Variants in LRRTM3 observed in about 807,000 individuals in gnomAD.
The protein encoded by LRRTM3 is leucine rich repeat transmembrane neuronal 3.
LRRTM3 carries 24 observed loss-of-function variants against 44.7 expected under a neutral mutation model. The ratio of observed to expected loss-of-function variants is 0.54; its 90% CI spans 0.39 to 0.76. The LOEUF is 0.76. Among genes scored for constraint, LRRTM3 ranks in the 30% least tolerant of loss-of-function variants. The pLI, the probability that LRRTM3 is intolerant of heterozygous loss-of-function variation, is 0.00. For synonymous variants in LRRTM3, 277 were observed against 278.7 expected (o/e 0.99, Z 0.06); for missense variants, 587 against 702.2 (o/e 0.84, Z 1.85).
intron 2 of LRRTM3, among the ~76,000 whole-genome samples, chr10:66,992,611 C>T (rs1446318667): frequency 1.3e-5 from 2 of 151,792 alleles, no homozygotes; most frequent in African/African-American, 2.4e-5. Flanking sequence ...ACACTTAATG[C>T]CTTGGATGAA....
At chr10:67,066,294 G>A (rs945495324) in intron 2 of LRRTM3, among the ~76,000 whole-genome samples, 3 of 149,246 alleles carry the variant, frequency 2.0e-5, no homozygotes, top group African/African-American at 7.5e-5. Flanking sequence ...CCGGGTTCAA[G>A]AGATTCTCCT....
intron 2 of LRRTM3, among the ~76,000 whole-genome samples, chr10:67,062,494 A>G (rs902126982): frequency 6.6e-6 from 1 of 152,088 alleles, no homozygotes; most frequent in African/African-American, 2.4e-5. Flanking sequence ...ATATTTCTCT[A>G]GCCATTCTTT....
In LRRTM3 at chr10:66,958,469, T is replaced by A. The variant is rs201431166; in HGVS notation, c.1536+30017T>A. ...GTAGAAAAATAAAAAGCTTTTTTTT[T>A]TAAAAAAAATAGCATATAGCTCAGA... On this transcript the variant is annotated intron_variant, in intron 2 of 2. Coordinates refer to ENST00000361320, the MANE Select transcript of LRRTM3 (RefSeq NM_178011.5). Among the ~76,000 whole-genome samples, 534 of 123,672 alleles carry A rather than the reference T, an allele frequency of 4.3e-3. 12 individuals carry two copies. The East Asian group carries it at 0.066, about 15-fold the overall frequency. The allele number at this position is 123,672 out of a possible 152,430, so 81.1% of individuals were successfully genotyped here.
At chr10:66,977,347 G>T (rs1386423189) in intron 2 of LRRTM3, among the ~76,000 whole-genome samples, 1 of 151,692 alleles carries the variant, frequency 6.6e-6, no homozygotes, top group East Asian at 1.9e-4. Context: ...GAGGCAGGAG[G>T]ATTGCTTGAA....
At chr10:67,040,987 C>CT (rs200375206) in intron 2 of LRRTM3, among the ~76,000 whole-genome samples, 5 of 151,822 alleles carry the variant, frequency 3.3e-5, no homozygotes, top group South Asian at 4.2e-4. Flanking sequence ...GCATTTTATA[C>CT]TTTTTTTTAG....
intron 2 of LRRTM3, among the ~76,000 whole-genome samples, chr10:66,981,397 T>C (rs1850434016): frequency 6.6e-6 from 1 of 152,228 alleles, no homozygotes; most frequent in Admixed American, 6.5e-5. Context: ...CATTCTGCAC[T>C]CTTCTGGATT....
At chr10:66,988,958 G>A (rs774534943) in intron 2 of LRRTM3, among the ~76,000 whole-genome samples, 1 of 151,510 alleles carries the variant, frequency 6.6e-6, no homozygotes, top group South Asian at 2.1e-4. Context: ...TTACACATCC[G>A]GGTGCTTCCT....
rs554560366 is a variant in LRRTM3 at position 66,943,517 on chromosome 10, C to T, written c.1536+15065C>T. Among the ~76,000 whole-genome samples the T allele has an allele frequency of 7.5e-3, 434 of 57,602 alleles. 11 individuals carry two copies. In the Admixed American group the frequency reaches 0.098, roughly 13 times the overall value. The allele number at this position is 57,602 out of a possible 152,430, so 37.8% of individuals were successfully genotyped here. A position where few individuals can be genotyped will look rare whatever the true frequency, so the allele number is the denominator to read the frequency against. On this transcript the variant is annotated intron_variant, in intron 2 of 2. Transcript: ENST00000361320. ...CCTGATCCCAAATCCAATTCCCCCA[C>T]CCTTTTTTTTTTTTTCAGTATTAGC...
chr10:67,051,303 G>A (rs1855074504), intron 2 of LRRTM3, among the ~76,000 whole-genome samples: 2 of 152,050 alleles, frequency 1.3e-5, no homozygotes, highest in African/African-American at 4.8e-5. Context: ...AACCTTAAAT[G>A]TCTTCACAAT....
At position 67,101,119 on chromosome 10, in the gene LRRTM3, C is replaced by T. The variant is rs1858311099; in HGVS notation, c.*3323C>T. 6.6e-6 allele frequency among the ~76,000 whole-genome samples: 1 copy of T among 151,704 alleles called. No individual in the cohort carries two copies. Among genetic ancestry groups the T allele is most frequent in the African/African-American group, 2.4e-5 (1 of 41,374 alleles). On this transcript the variant is annotated 3_prime_UTR_variant, in exon 3 of 3. Coordinates refer to ENST00000361320, the MANE Select transcript of LRRTM3 (RefSeq NM_178011.5). ...GTTTAACAAGTCACATATTTCTTAA[C>T]ATACAAGTTCGTTTGTGAATGTGCA...
At chr10:67,040,764 G>A (rs138406001) in intron 2 of LRRTM3, among the ~76,000 whole-genome samples, 201 of 152,122 alleles carry the variant, frequency 1.3e-3, no homozygotes, top group African/African-American at 4.6e-3. Flanking sequence ...AAATATCAGC[G>A]TAAAAGCAGA....
At chr10:66,971,493 C>A (rs1222054849) in intron 2 of LRRTM3, among the ~76,000 whole-genome samples, 1 of 152,008 alleles carries the variant, frequency 6.6e-6, no homozygotes, top group Admixed American at 6.6e-5. Context: ...TGCTTAAATC[C>A]CAATTGTACT....
intron 2 of LRRTM3, among the ~76,000 whole-genome samples, chr10:67,076,677 G>A (rs1856767593): frequency 6.6e-6 from 1 of 152,176 alleles, no homozygotes; most frequent in Non-Finnish European, 1.5e-5. Context: ...TGGATAGAAT[G>A]AAATTCCAGG....
chr10:66,958,162 C>G (rs1253855392), intron 2 of LRRTM3, among the ~76,000 whole-genome samples: 6 of 151,954 alleles, frequency 3.9e-5, no homozygotes, highest in Admixed American at 3.9e-4. Context: ...TCTCTAGTAT[C>G]ATTTGTGAAT....
At chr10:66,990,459 T>C (rs1392646225) in intron 2 of LRRTM3, among the ~76,000 whole-genome samples, 2 of 152,210 alleles carry the variant, frequency 1.3e-5, no homozygotes, top group Non-Finnish European at 2.9e-5. Flanking sequence ...AATCACCATA[T>C]TATTCCAGGG....
intron 2 of LRRTM3, among the ~76,000 whole-genome samples, chr10:67,026,300 A>T (rs997554837): frequency 1.3e-5 from 2 of 152,130 alleles, no homozygotes; most frequent in Admixed American, 6.6e-5. Context: ...ACTTATGACC[A>T]TCTGGCAATC....
At chr10:67,064,570 A>T (rs1481948856) in intron 2 of LRRTM3, among the ~76,000 whole-genome samples, 1 of 152,038 alleles carries the variant, frequency 6.6e-6, no homozygotes, top group African/African-American at 2.4e-5. Context: ...AATAATTTTG[A>T]CTCTTCCCCT....
chr10:67,001,836 T>C (rs1468815035), intron 2 of LRRTM3, among the ~76,000 whole-genome samples: 3 of 152,194 alleles, frequency 2.0e-5, no homozygotes, highest in Non-Finnish European at 4.4e-5. Flanking sequence ...ACTGTATCTC[T>C]TCCTTTTCTT....
At chr10:67,035,016 C>A (rs1374103551) in intron 2 of LRRTM3, among the ~76,000 whole-genome samples, 1 of 152,160 alleles carries the variant, frequency 6.6e-6, no homozygotes, top group Non-Finnish European at 1.5e-5. Flanking sequence ...TTTCAAGAAG[C>A]CCTTATTGAG....
Sources: gnomAD v4.1 joint callset for allele counts (sites outside exome capture counted in the v4.1 genomes callset) on GRCh38, gnomAD v4.1.1 for gene constraint, MANE v1.5 for transcripts, NCBI Gene and HGNC (gene_info 2026-07-23, HGNC 2026-07-21) for gene names.